Variants in KNG1 observed in about 807,000 individuals in gnomAD.
The protein encoded by KNG1 is kininogen-1.
A neutral mutation model predicts 47.8 loss-of-function variants in KNG1; 23 were observed. The ratio of observed to expected loss-of-function variants is 0.48; its 90% CI spans 0.35 to 0.68. The LOEUF is 0.68. KNG1 is among the 30% of genes least tolerant of loss of function. The probability of loss-of-function intolerance (pLI) is 0.01; values close to 1 mark genes in which losing one functional copy is unlikely to be tolerated. For synonymous variants in KNG1, 277 were observed against 277.0 expected, an observed-to-expected ratio of 1.00 and a Z score of 0.00; for missense variants, 762 against 790.2, an observed-to-expected ratio of 0.96 and a Z score of 0.43.
At position 186,725,543 on chromosome 3, in the gene KNG1, A is replaced by ATTTTTTTTTTT. The variant is rs71167003; in HGVS notation, c.564+292_564+302dup. Reference sequence around the variant, plus strand: ...AAGGAAAAGTCATACCGGCCTTAGGATTTTTTTTTTTTTTTTTTTGAGACA... The same window carrying ATTTTTTTTTTT: ...AAGGAAAAGTCATACCGGCCTTAGGATTTTTTTTTTTTTTTTTTTTTTTTTTTTTTGAGACA... On this transcript the variant is annotated intron_variant, in intron 4 of 9. Coordinates refer to ENST00000644859, the MANE Select transcript of KNG1 (RefSeq NM_001102416.3). 3.8e-4 allele frequency among the ~76,000 whole-genome samples: 33 copies of ATTTTTTTTTTT among 87,720 alleles called. 6 individuals are homozygous for ATTTTTTTTTTT. Among genetic ancestry groups the ATTTTTTTTTTT allele is most frequent in the African/African-American group, 1.2e-3 (25 of 21,498 alleles). The allele number at this position is 87,720 out of a possible 152,430, so 57.5% of individuals were successfully genotyped here.
Position 186,743,765 on chromosome 3 carries a change from T to A in KNG1, c.*1434T>A, listed in dbSNP as rs765360659. On this transcript the variant is annotated 3_prime_UTR_variant, in exon 10 of 10. Coordinates refer to ENST00000644859, the MANE Select transcript of KNG1 (RefSeq NM_001102416.3). ...CCCAAAGGCAGGGGCAGAGCCAGCA[T>A]CTGAGAGGGAGGTCTCTTGACCAAT... The A allele has an allele frequency of 6.2e-7, 1 of 1,614,046 alleles. No individual in the cohort carries two copies. The highest frequency in any genetic ancestry group is 8.5e-7 in the Non-Finnish European group (1 of 1,179,940).
At position 186,743,646 on chromosome 3, in the gene KNG1, A is replaced by C; in HGVS notation, c.*1315A>C. 5 of 1,331,834 alleles carry C rather than the reference A, an allele frequency of 3.8e-6. No homozygotes were observed. Among genetic ancestry groups the C allele is most frequent in the Non-Finnish European group, 5.4e-6 (5 of 925,568 alleles). 82.5% of individuals were successfully genotyped at this position (1,331,834 alleles called of 1,614,324 possible). ...TCTTACCTTGTCAACTGGTTGCTCCACTTTTTAAAAATGATTGAATGATAA... is the reference window on the plus strand; with the variant it reads ...TCTTACCTTGTCAACTGGTTGCTCCCCTTTTTAAAAATGATTGAATGATAA... On this transcript the variant is annotated 3_prime_UTR_variant, in exon 10 of 10. Coordinates refer to ENST00000644859, the MANE Select transcript of KNG1 (RefSeq NM_001102416.3).
At chr3:186,720,396 G>C (rs1447025260) in intron 2 of KNG1, 181 bp downstream of exon 2, 16 of 618,004 alleles carry the variant, frequency 2.6e-5, no homozygotes, top group Non-Finnish European at 4.6e-5. Context: ...GAAAAATCAT[G>C]GAGAAGCCAG....
In KNG1 at chr3:186,743,791, G is replaced by A. The variant is rs1720875429; in HGVS notation, c.*1460G>A. The A allele has an allele frequency of 6.2e-7, 1 of 1,611,002 alleles. No homozygotes were observed. Among genetic ancestry groups the A allele is most frequent in the African/African-American group, 1.3e-5 (1 of 74,856 alleles). ...CTGAGAGGGAGGTCTCTTGACCAAT[G>A]GGCAGAATCTTCACTCCAGGCACAT... On this transcript the variant is annotated 3_prime_UTR_variant, in exon 10 of 10. Coordinates refer to ENST00000644859, the MANE Select transcript of KNG1 (RefSeq NM_001102416.3).
At chr3:186,721,073 G>C (rs1367126669) in intron 2 of KNG1, 1 of 152,206 alleles carries the variant, frequency 6.6e-6, no homozygotes, top group African/African-American at 2.4e-5. Context: ...ACAGGCGTGA[G>C]CCACCACGCC....
chr3:186,731,715 G>A, intron 6 of KNG1, 86 bp downstream of exon 6: 2 of 851,126 alleles, frequency 2.3e-6, no homozygotes, highest in Non-Finnish European at 4.0e-6. Flanking sequence ...GTTGGGTTTT[G>A]GTTCCCGTGA....
intron 9 of KNG1, among the ~76,000 whole-genome samples, chr3:186,739,786 T>C (rs1042037592): frequency 3.3e-5 from 5 of 152,200 alleles, no homozygotes; most frequent in African/African-American, 1.2e-4. Flanking sequence ...GCGCGGTGGC[T>C]CACGCCTGTT....
In KNG1 at chr3:186,744,020, G is replaced by A. The variant is rs1019805161; in HGVS notation, c.*1689G>A. 1.8e-6 allele frequency: 1 copy of A among 565,426 alleles called. No individual in the cohort carries two copies. Among genetic ancestry groups the A allele is most frequent in the Admixed American group, 2.7e-5 (1 of 37,086 alleles). The allele number at this position is 565,426 out of a possible 1,614,324, so 35.0% of individuals were successfully genotyped here. ...AATTCCAGCTGGTCAGAGAGTCAGT[G>A]CTGTGGCTCTGCCATGGAGGCTCAT... On this transcript the variant is annotated 3_prime_UTR_variant, in exon 10 of 10. Coordinates refer to ENST00000644859, the MANE Select transcript of KNG1 (RefSeq NM_001102416.3).
At position 186,741,514 on chromosome 3, in the gene KNG1, C is replaced by T. The variant is rs187202560; in HGVS notation, c.1126-8C>T. The stretch of plus-strand genomic sequence containing the variant: ...AGTAATACATTCATCTTAATATTTT[C>T]TGTTTAGATCTCACTGATGAAAAGG... On this transcript the variant is annotated splice_region_variant and splice_polypyrimidine_tract_variant and intron_variant, in intron 9 of 9. Coordinates refer to ENST00000644859, the MANE Select transcript of KNG1 (RefSeq NM_001102416.3). The T allele has an allele frequency of 3.2e-5, 52 of 1,605,294 alleles. No individual in the cohort carries two copies. The East Asian group carries it at 1.0e-3, about 32-fold the overall frequency.
intron 7 of KNG1, 108 bp from the exon 8 acceptor site, chr3:186,738,990 TA>T: frequency 1.1e-6 from 1 of 890,376 alleles, no homozygotes; most frequent in Non-Finnish European, 1.8e-6. Flanking sequence ...TGTAACTCTC[TA>T]AGTTGGTCAA....
chr3:186,731,333 A>G (rs5030044), intron 5 of KNG1, among the ~76,000 whole-genome samples: 14,489 of 152,030 alleles, frequency 0.095, 844 homozygotes, highest in South Asian at 0.23. Flanking sequence ...CCTGCTTTCC[A>G]TGTGCTCATG....
At chr3:186,720,784 CTTTTTT>C (rs1167537831) in intron 2 of KNG1, among the ~76,000 whole-genome samples, 2 of 89,752 alleles carry the variant, frequency 2.2e-5, no homozygotes, top group Non-Finnish European at 4.1e-5. Context: ...TGTTGTTTTG[CTTTTTT>C]TTTTTTTTTT....
At chr3:186,720,282 T>G in intron 2 of KNG1, 67 bp downstream of exon 2, 1 of 976,264 alleles carries the variant, frequency 1.0e-6, no homozygotes, top group Non-Finnish European at 1.6e-6. Flanking sequence ...TTTTTACTGA[T>G]GCAGAAATGA....
Position 186,732,503 on chromosome 3 carries a change from G to C in KNG1, c.759G>C (p.Gly253=). 6.2e-7 allele frequency: 1 copy of C among 1,613,992 alleles called. No homozygotes were observed. ...SFSQNCDIYP[G]KDFVQPPTKI... ...TGACTTAAAACCTGATCCTTTCAGG[G>C]AAGGATTTTGTACAACCACCTACCA... The change falls in exon 7 of 10, where the codon GGG becomes GGC. Residue 253 remains glycine, a splice_region_variant and synonymous_variant. Coordinates refer to ENST00000644859, the MANE Select transcript of KNG1 (RefSeq NM_001102416.3).
chr3:186,730,553 G>A (rs1217808135), intron 5 of KNG1, among the ~76,000 whole-genome samples: 1 of 150,428 alleles, frequency 6.6e-6, no homozygotes, highest in African/African-American at 2.4e-5. Flanking sequence ...ACACTTGGGA[G>A]GCTGAGGCAG....
At position 186,742,154 on chromosome 3, in the gene KNG1, T is replaced by C. The variant is rs757082153; in HGVS notation, c.1758T>C (p.Asp586=). ...CAGCTCCCATACAGAGTGATGACGATTGGATCCCTGATATCCAGATAGACC... is the reference window on the plus strand; with the variant it reads ...CAGCTCCCATACAGAGTGATGACGACTGGATCCCTGATATCCAGATAGACC... ...ISPAPIQSDD[D]WIPDIQIDPN... The change falls in exon 10 of 10, where the codon GAT becomes GAC. Residue 586 remains aspartate (D), a synonymous_variant. Coordinates refer to ENST00000644859, the MANE Select transcript of KNG1 (RefSeq NM_001102416.3). The C allele has an allele frequency of 2.5e-6, 4 of 1,614,180 alleles. No individual in the cohort carries two copies. The highest frequency in any genetic ancestry group is 1.7e-5 in the Admixed American group (1 of 60,018).
At chr3:186,741,134 C>A (rs1434597703) in intron 9 of KNG1, among the ~76,000 whole-genome samples, 2 of 152,060 alleles carry the variant, frequency 1.3e-5, no homozygotes, top group Non-Finnish European at 2.9e-5. Flanking sequence ...GCTGGGATTA[C>A]AGGCATGTGC....
In KNG1 at chr3:186,731,561, C is replaced by T. The variant is rs1405840076; in HGVS notation, c.689C>T (p.Thr230Ile). The T allele has an allele frequency of 6.2e-7, 1 of 1,608,192 alleles. No individual in the cohort carries two copies. Among genetic ancestry groups the T allele is most frequent in the Non-Finnish European group, 8.5e-7 (1 of 1,174,646 alleles). Residue 230 changes from threonine to isoleucine, a missense_variant, in exon 6 of 10, where the codon ACA becomes ATA. By Grantham distance (89) the Thr-to-Ile change is moderately conservative (BLOSUM62 -1). Transcript: ENST00000644859. ...AAAAACCAGGATACCGGTGAATGTA[C>T]AGATAATGCATACATCGATATTCAG... ...SLWNGDTGEC[T>I]DNAYIDIQLR...
At chr3:186,719,824 A>G (rs1465964821) in intron 1 of KNG1, among the ~76,000 whole-genome samples, 4 of 152,154 alleles carry the variant, frequency 2.6e-5, no homozygotes, top group Non-Finnish European at 5.9e-5. Flanking sequence ...CTTGCTGTGT[A>G]TCTTTCCAGA....
Sources: gnomAD v4.1 joint callset for allele counts (sites outside exome capture counted in the v4.1 genomes callset) on GRCh38, gnomAD v4.1.1 for gene constraint, MANE v1.5 for transcripts, NCBI Gene and HGNC (gene_info 2026-07-23, HGNC 2026-07-21) for gene names.